The following FRMD6 variants were observed in gnomAD, a reference collection of about 807,000 sequenced individuals.
FRMD6 encodes FERM domain-containing protein 6.
In FRMD6, 37 loss-of-function variants were observed where a neutral mutation model predicts 73.2. That is an observed-to-expected ratio of 0.51 (90% confidence interval 0.39 to 0.66). The LOEUF (loss-of-function observed/expected upper bound fraction) is 0.66. FRMD6 is among the 30% of genes least tolerant of loss of function. The pLI is 0.00. For synonymous variants in FRMD6, 273 were observed against 282.2 expected (o/e 0.97, Z 0.33); for missense variants, 714 against 780.5 (o/e 0.91, Z 1.02).
the FRMD6 span, among the ~76,000 whole-genome samples, chr14:51,407,193 C>T: frequency 6.6e-6 from 1 of 151,634 alleles, no homozygotes; most frequent in Admixed American, 6.6e-5. Flanking sequence ...TTGTAACATC[C>T]ATTTTATTTA....
chr14:51,686,770 G>A (rs1297655572), intron 1 of FRMD6, among the ~76,000 whole-genome samples: 1 of 152,100 alleles, frequency 6.6e-6, no homozygotes, highest in African/African-American at 2.4e-5. Context: ...AAAATAAGTA[G>A]CCAATGGCTG....
chr14:51,479,592 CTATT>C, the FRMD6 span, among the ~76,000 whole-genome samples: 1 of 152,212 alleles, frequency 6.6e-6, no homozygotes, highest in Non-Finnish European at 1.5e-5. Context: ...AATAATAAAA[CTATT>C]TATCCCAACA....
the FRMD6 span, among the ~76,000 whole-genome samples, chr14:51,459,565 C>T: frequency 1.3e-5 from 2 of 152,072 alleles, no homozygotes; most frequent in South Asian, 2.1e-4. Flanking sequence ...ACGCTGGCGA[C>T]GCCTGTAATC....
intron 5 of FRMD6, 91 bp from the exon 6 acceptor site, chr14:51,704,658 T>A: frequency 9.5e-7 from 1 of 1,050,926 alleles, no homozygotes; most frequent in South Asian, 1.6e-5. Flanking sequence ...AGGGTTCCTG[T>A]CACCAGATGG....
intron 2 of FRMD6, among the ~76,000 whole-genome samples, chr14:51,595,109 A>G (rs1319827997): frequency 1.3e-5 from 2 of 152,192 alleles, no homozygotes; most frequent in South Asian, 4.1e-4. Flanking sequence ...CTAGGAGACC[A>G]CATGGACCAA....
upstream of FRMD6, among the ~76,000 whole-genome samples, chr14:51,487,079 G>T (rs1882778205): frequency 6.6e-6 from 1 of 152,028 alleles, no homozygotes; most frequent in Non-Finnish European, 1.5e-5. Context: ...GTATGGGTTT[G>T]GGAATCATGA....
At chr14:51,651,431 G>C (rs914634771), upstream of FRMD6, 1 of 152,214 alleles carries the variant, frequency 6.6e-6, no homozygotes, top group Admixed American at 6.5e-5. Flanking sequence ...CCAAACAGCC[G>C]CCCCCGGCCA....
At chr14:51,538,809 A>G (rs1261759202) in intron 1 of FRMD6, among the ~76,000 whole-genome samples, 3 of 152,166 alleles carry the variant, frequency 2.0e-5, no homozygotes, top group Non-Finnish European at 4.4e-5. Flanking sequence ...GCTTTGTGGT[A>G]AGGTTTGAAA....
At chr14:51,686,998 A>G (rs921975871) in intron 1 of FRMD6, among the ~76,000 whole-genome samples, 1 of 152,110 alleles carries the variant, frequency 6.6e-6, no homozygotes, top group Non-Finnish European at 1.5e-5. Flanking sequence ...GCCATCCTCA[A>G]AGCAGAAAAA....
chr14:51,429,036 A>G, the FRMD6 span, among the ~76,000 whole-genome samples: 1 of 136,422 alleles, frequency 7.3e-6, no homozygotes, highest in Non-Finnish European at 1.7e-5. Context: ...GAGAGGGGAG[A>G]GAAAAGAAAA....
rs575588451 is a variant in FRMD6 at position 51,602,028 on chromosome 14, CA to C, written c.-147+31623del. Among the ~76,000 whole-genome samples the C allele has an allele frequency of 4.0e-3, 605 of 150,372 alleles. 2 individuals are homozygous for C. Among genetic ancestry groups the C allele is most frequent in the African/African-American group, 0.014 (563 of 40,694 alleles). ...ATGAAGAGCTGGGTATCCAGCCACTCAAAAATGTTTTCCCCAACATTCCGTT... is the reference window on the plus strand; with the variant it reads ...ATGAAGAGCTGGGTATCCAGCCACTCAAAATGTTTTCCCCAACATTCCGTT... On this transcript the variant is annotated intron_variant, in intron 2 of 14. Coordinates refer to the FRMD6 transcript ENST00000356218.
intron 1 of FRMD6, among the ~76,000 whole-genome samples, chr14:51,510,318 A>C (rs1356678804): frequency 6.6e-6 from 1 of 152,108 alleles, no homozygotes; most frequent in Non-Finnish European, 1.5e-5. Context: ...CAGGAATTAG[A>C]TCCATTTTGC....
At chr14:51,415,622 GT>G in the FRMD6 span, among the ~76,000 whole-genome samples, 1 of 152,006 alleles carries the variant, frequency 6.6e-6, no homozygotes. Flanking sequence ...CTCTTTTTTT[GT>G]TGTGTCTCTG....
At chr14:51,572,209 C>T (rs1349351312) in intron 2 of FRMD6, among the ~76,000 whole-genome samples, 3 of 152,200 alleles carry the variant, frequency 2.0e-5, no homozygotes, top group Non-Finnish European at 4.4e-5. Flanking sequence ...TTCACCAGCC[C>T]TTGGAGCAAA....
the FRMD6 span, among the ~76,000 whole-genome samples, chr14:51,475,886 T>C: frequency 6.6e-6 from 1 of 152,124 alleles, no homozygotes; most frequent in Admixed American, 6.5e-5. Context: ...ACTAACGTAA[T>C]TGTCGATGGA....
chr14:51,689,166 A>G (rs931606640), intron 1 of FRMD6, among the ~76,000 whole-genome samples: 2 of 152,244 alleles, frequency 1.3e-5, no homozygotes, highest in African/African-American at 4.8e-5. Flanking sequence ...TAGAGAGATC[A>G]ATTAAAGTGA....
intron 10 of FRMD6, among the ~76,000 whole-genome samples, chr14:51,719,212 A>G (rs1897401487): frequency 7.1e-6 from 1 of 140,518 alleles, no homozygotes. Flanking sequence ...TTGTGCCTTA[A>G]TGGAATGGTT....
chr14:51,436,782 A>T, the FRMD6 span: 18 of 539,982 alleles, frequency 3.3e-5, no homozygotes, highest in South Asian at 3.3e-4. Flanking sequence ...GATGATGATG[A>T]AGATGAAGAA....
the FRMD6 span, among the ~76,000 whole-genome samples, chr14:51,455,307 A>G: frequency 6.6e-6 from 1 of 152,222 alleles, no homozygotes; most frequent in East Asian, 1.9e-4. Context: ...AGTTTGAGCA[A>G]TACTGTTCTA....
Sources: gnomAD v4.1 joint callset for allele counts (sites outside exome capture counted in the v4.1 genomes callset) on GRCh38, gnomAD v4.1.1 for gene constraint, MANE v1.5 for transcripts, NCBI Gene and HGNC (gene_info 2026-07-23, HGNC 2026-07-21) for gene names.